Variants in CCNB3 observed in about 807,000 individuals in gnomAD.
CCNB3 encodes cyclin B3.
A neutral mutation model predicts 68.0 loss-of-function variants in CCNB3; 12 were observed. The observed-to-expected ratio is 0.18, with a 90% CI of 0.11 to 0.29. The LOEUF (loss-of-function observed/expected upper bound fraction) is 0.29. CCNB3 is among the 10% of genes least tolerant of loss of function. The probability of loss-of-function intolerance (pLI) is 1.00; values close to 1 mark genes in which losing one functional copy is unlikely to be tolerated. For missense variants in CCNB3, 904 were observed against 993.1 expected (o/e 0.91, Z 1.21); for synonymous variants, 354 against 388.9 (o/e 0.91, Z 1.06).
intron 1 of CCNB3, among the ~76,000 whole-genome samples, chrX:50,279,416 A>G (rs1408539216): frequency 2.7e-5 from 2 of 74,958 alleles, no homozygotes; most frequent in Non-Finnish European, 4.6e-5. Context: ...AAATATATAA[A>G]TATATAAATA....
chrX:50,323,893 A>G (rs1253129747), intron 8 of CCNB3, among the ~76,000 whole-genome samples: 2 of 112,620 alleles, frequency 1.8e-5, no homozygotes, highest in Admixed American at 9.4e-5. Context: ...GAACTTGTCC[A>G]TGAACCCATC....
At chrX:50,301,613 C>G (rs1046675332) in intron 5 of CCNB3, among the ~76,000 whole-genome samples, 106 of 112,543 alleles carry the variant, frequency 9.4e-4, no homozygotes, top group Middle Eastern at 4.6e-3. Context: ...TCTGCCCGTT[C>G]TCAGATCTCA....
At chrX:50,226,234 T>TTTATATATATAGAATATATATA (rs1935777313) in intron 1 of CCNB3, among the ~76,000 whole-genome samples, 38 of 66,745 alleles carry the variant, frequency 5.7e-4, no homozygotes, top group African/African-American at 1.6e-3. Flanking sequence ...AATATATATA[T>TTTATATATATAGAATATATATA]TTATATATAT....
intron 1 of CCNB3, among the ~76,000 whole-genome samples, chrX:50,224,270 G>A (rs1189832184): frequency 9.0e-6 from 1 of 110,925 alleles, no homozygotes; most frequent in African/African-American, 3.3e-5. Flanking sequence ...GTAAAAGTAA[G>A]GTAGATTATA....
intron 11 of CCNB3, among the ~76,000 whole-genome samples, chrX:50,348,053 G>C (rs149336047): frequency 9.0e-6 from 1 of 111,580 alleles, no homozygotes; most frequent in East Asian, 2.8e-4. Flanking sequence ...AGGTATTCTG[G>C]TTGTCATATG....
chrX:50,294,801 G>A (rs1557210585), intron 4 of CCNB3, 62 bp from the exon 5 acceptor site: 18 of 1,137,146 alleles, frequency 1.6e-5, no homozygotes, highest in Non-Finnish European at 1.9e-5. Context: ...GGTAATTTGT[G>A]GTTTTCTTCA....
At chrX:50,345,333 T>C (rs1036167739) in intron 9 of CCNB3, among the ~76,000 whole-genome samples, 16 of 105,318 alleles carry the variant, frequency 1.5e-4, no homozygotes, top group African/African-American at 5.2e-4. Flanking sequence ...GCTCCCTCTT[T>C]CCTTCCCTCC....
intron 8 of CCNB3, among the ~76,000 whole-genome samples, chrX:50,320,594 T>C (rs1432066908): frequency 1.8e-5 from 2 of 110,160 alleles, no homozygotes; most frequent in African/African-American, 6.5e-5. Context: ...CTCTAATTTT[T>C]ATAATTTTAT....
At chrX:50,291,625 C>T (rs1557210121) in intron 4 of CCNB3, among the ~76,000 whole-genome samples, 1 of 111,937 alleles carries the variant, frequency 8.9e-6, no homozygotes, top group African/African-American at 3.2e-5. Context: ...TAAAGGTCCC[C>T]TGGAGCTTAA....
chrX:50,334,894 G>A (rs1448625066), intron 8 of CCNB3, among the ~76,000 whole-genome samples: 2 of 112,043 alleles, frequency 1.8e-5, no homozygotes, highest in African/African-American at 3.2e-5. Context: ...TTTAGGTTCC[G>A]GTAGGCTGCA....
intron 1 of CCNB3, among the ~76,000 whole-genome samples, chrX:50,226,182 G>T (rs1225705448): frequency 3.1e-5 from 1 of 32,054 alleles, no homozygotes; most frequent in East Asian, 9.0e-4. Flanking sequence ...TACATATATA[G>T]ATATATAAAT....
intron 1 of CCNB3, among the ~76,000 whole-genome samples, chrX:50,227,826 TATAA>T (rs1291345258): frequency 4.8e-5 from 4 of 84,160 alleles, no homozygotes; most frequent in Non-Finnish European, 8.7e-5. Context: ...ATAGAGAATA[TATAA>T]ATATATATAG....
intron 5 of CCNB3, among the ~76,000 whole-genome samples, chrX:50,305,668 T>A (rs1162292565): frequency 2.7e-5 from 3 of 109,877 alleles, no homozygotes; most frequent in Non-Finnish European, 3.8e-5. Flanking sequence ...AAAAAAAGAA[T>A]CAGCTTGTCA....
chrX:50,323,948 A>G (rs1389589075), intron 8 of CCNB3, among the ~76,000 whole-genome samples: 1 of 112,647 alleles, frequency 8.9e-6, no homozygotes, highest in Non-Finnish European at 1.9e-5. Context: ...AGAAATTTTT[A>G]TAATAACAAT....
At chrX:50,337,920 G>A (rs1922933009) in intron 8 of CCNB3, among the ~76,000 whole-genome samples, 1 of 112,348 alleles carries the variant, frequency 8.9e-6, no homozygotes, top group South Asian at 3.8e-4. Context: ...AAGTGCCAGT[G>A]CAGGCACGTC....
At chrX:50,285,681 G>A (rs1423313226) in intron 3 of CCNB3, among the ~76,000 whole-genome samples, 1 of 111,534 alleles carries the variant, frequency 9.0e-6, no homozygotes, top group African/African-American at 3.3e-5. Flanking sequence ...TGACTCTGCT[G>A]TTTTGACTTT....
intron 1 of CCNB3, among the ~76,000 whole-genome samples, chrX:50,279,407 AATATATAAATATATAAAT>A (rs1215719649): frequency 9.8e-5 from 7 of 71,319 alleles, no homozygotes; most frequent in African/African-American, 1.8e-4. Flanking sequence ...TTCATATAGA[AATATATAAATATATAAAT>A]ATATATAAAT....
intron 1 of CCNB3, among the ~76,000 whole-genome samples, chrX:50,226,662 A>AAT (rs1301328060): frequency 9.5e-4 from 70 of 73,645 alleles, no homozygotes; most frequent in African/African-American, 4.4e-3. Context: ...TATATCTATA[A>AAT]ATATATATAG....
intron 4 of CCNB3, among the ~76,000 whole-genome samples, chrX:50,290,708 G>C (rs111308412): frequency 0.023 from 2,583 of 111,552 alleles, 65 homozygotes; most frequent in African/African-American, 0.081. Flanking sequence ...TTCTCCAGCT[G>C]AATTGAGCAT....
Sources: gnomAD v4.1 joint callset for allele counts (sites outside exome capture counted in the v4.1 genomes callset) on GRCh38, gnomAD v4.1.1 for gene constraint, MANE v1.5 for transcripts, NCBI Gene and HGNC (gene_info 2026-07-23, HGNC 2026-07-21) for gene names.